Variants in SLTM observed in about 807,000 individuals in gnomAD.
The protein encoded by SLTM is SAFB like transcription modulator, also known as SAFB-like transcription modulator.
Under a neutral mutation model 134.6 loss-of-function variants are expected in SLTM, and 43 were observed. The ratio of observed to expected loss-of-function variants is 0.32; its 90% CI spans 0.25 to 0.41. The LOEUF is 0.41. Ranked by LOEUF, SLTM falls within the 10% of genes least tolerant of loss-of-function variation. The probability of loss-of-function intolerance (pLI) is 1.00; values close to 1 mark genes in which losing one functional copy is unlikely to be tolerated. For synonymous variants in SLTM, 424 were observed against 432.3 expected, an observed-to-expected ratio of 0.98 and a Z score of 0.24; for missense variants, 1,055 against 1,288.8, an observed-to-expected ratio of 0.82 and a Z score of 2.78.
intron 8 of SLTM, among the ~76,000 whole-genome samples, chr15:58,897,793 A>C (rs1248326403): frequency 6.6e-6 from 1 of 152,130 alleles, no homozygotes; most frequent in Non-Finnish European, 1.5e-5. Flanking sequence ...AATCTTCTAA[A>C]ACAAAACAAC....
At chr15:58,930,268 A>ACCATGCC (rs1345493790) in intron 2 of SLTM, among the ~76,000 whole-genome samples, 1 of 143,290 alleles carries the variant, frequency 7.0e-6, no homozygotes, top group Non-Finnish European at 1.5e-5. Flanking sequence ...CACGCGCGCC[A>ACCATGCC]CCATGCCCAG....
At chr15:58,922,526 A>T (rs2037140303) in intron 2 of SLTM, among the ~76,000 whole-genome samples, 1 of 138,140 alleles carries the variant, frequency 7.2e-6, no homozygotes, top group Non-Finnish European at 1.5e-5. Flanking sequence ...TAAAATTTAT[A>T]CGTATATAAT....
intron 8 of SLTM, chr15:58,897,571 A>G (rs1445334106): frequency 1.2e-5 from 2 of 167,786 alleles, no homozygotes; most frequent in Non-Finnish European, 2.6e-5. Flanking sequence ...GAATGAACAG[A>G]CTGTTTAGTT....
At position 58,933,508 on chromosome 15, in the gene SLTM, T is replaced by C; in HGVS notation, c.58A>G (p.Lys20Glu). 1 of 1,599,384 alleles carries C rather than the reference T, an allele frequency of 6.3e-7. No homozygotes were observed. The highest frequency in any genetic ancestry group is 1.1e-5 in the South Asian group (1 of 89,388). Residue 20 changes from lysine to glutamate, a missense_variant, in exon 1 of 21, where the codon AAA becomes GAA. Physicochemically the swap from Lys to Glu is moderately conservative, Grantham distance 56. This residue lies in a region of SLTM where 268 missense variants were observed against 284.3 expected (regional missense o/e 0.94). Coordinates refer to ENST00000380516, the MANE Select transcript of SLTM (RefSeq NM_024755.4). ...ATGACCCGCAGATCGGTGATCTTTT[T>C]ACCTTCCGCCTGACCCGAGGCGGCC... ...ASAASGQAEG[K>E]KITDLRVIDL...
At chr15:58,902,379 T>G (rs1352841349) in intron 5 of SLTM, among the ~76,000 whole-genome samples, 1 of 113,268 alleles carries the variant, frequency 8.8e-6, no homozygotes, top group African/African-American at 3.4e-5. Flanking sequence ...GCTTAAGAAA[T>G]GTTTTGATTG....
intron 5 of SLTM, among the ~76,000 whole-genome samples, chr15:58,908,409 C>T (rs2036026040): frequency 6.6e-6 from 1 of 152,074 alleles, no homozygotes; most frequent in Non-Finnish European, 1.5e-5. Flanking sequence ...CTCTATTGCC[C>T]AGGTTGGAGT....
At position 58,912,604 on chromosome 15, in the gene SLTM, C is replaced by CA; in HGVS notation, c.519dup (p.Glu174Ter). 1 of 1,606,094 alleles carries CA rather than the reference C, an allele frequency of 6.2e-7. No individual in the cohort carries two copies. The highest frequency in any genetic ancestry group is 8.5e-7 in the Non-Finnish European group (1 of 1,175,238). The stretch of plus-strand genomic sequence containing the variant: ...GTATCATCTTCACCTTCTTGAGCTT[C>CA]AATTTCCTAAGTAAAAGGGTATACA... On this transcript the variant is annotated frameshift_variant, in exon 5 of 21. Coordinates refer to ENST00000380516, the MANE Select transcript of SLTM (RefSeq NM_024755.4). LOFTEE classifies it high-confidence loss of function.
intron 1 of SLTM, among the ~76,000 whole-genome samples, chr15:58,933,037 T>C (rs1277177510): frequency 2.6e-5 from 4 of 152,120 alleles, no homozygotes; most frequent in East Asian, 1.9e-4. Context: ...GGCCAAGAAA[T>C]GCACACGCTC....
intron 15 of SLTM, 118 bp downstream of exon 15, chr15:58,890,163 C>T (rs2034542634): frequency 4.3e-6 from 5 of 1,155,612 alleles, no homozygotes; most frequent in East Asian, 2.3e-5. Context: ...CACTTAAAAG[C>T]TCCTTAGCTA....
At chr15:58,918,167 A>C (rs1168979170) in intron 2 of SLTM, among the ~76,000 whole-genome samples, 2 of 152,182 alleles carry the variant, frequency 1.3e-5, no homozygotes, top group African/African-American at 4.8e-5. Flanking sequence ...ATCCTACTTA[A>C]AAATCCTTAA....
chr15:58,897,046 A>C, intron 9 of SLTM, 69 bp downstream of exon 9: 1 of 889,902 alleles, frequency 1.1e-6, no homozygotes, highest in Non-Finnish European at 1.9e-6. Context: ...ATGTAATACT[A>C]TTTAGAATAC....
In SLTM at chr15:58,901,290, G is replaced by T; in HGVS notation, c.562-3C>A. On this transcript the variant is annotated splice_region_variant and splice_polypyrimidine_tract_variant and intron_variant, in intron 5 of 20. Transcript: ENST00000380516. ...TCATTTTCTTCTTCCTCACCATCCT[G>T]AAATTCAAAGAATAATCAAATGTAA... is the stretch of plus-strand genomic sequence containing the variant. 6.2e-7 allele frequency: 1 copy of T among 1,602,338 alleles called. No homozygotes were observed.
chr15:58,914,534 C>A (rs1398931084), intron 3 of SLTM, among the ~76,000 whole-genome samples: 1 of 152,100 alleles, frequency 6.6e-6, no homozygotes. Context: ...CCTTGGGGAG[C>A]AGGGGATCTC....
chr15:58,887,100 A>G lies in SLTM; in HGVS notation c.2710T>C (p.Ser904Pro), dbSNP rs1352963281. 6.2e-7 allele frequency: 1 copy of G among 1,614,102 alleles called. No homozygotes were observed. Residue 904 changes from serine (S) to proline (P), a missense_variant, in exon 19 of 21, where the codon TCT (serine) becomes CCT (proline). Around this residue, in one of 3 missense-constraint regions of SLTM, gnomAD observed 776 missense variants for 962.2 expected, o/e 0.81. Coordinates refer to ENST00000380516, the MANE Select transcript of SLTM (RefSeq NM_024755.4). ...RETRVERPER[S>P]GREVSGHSVR... The stretch of plus-strand genomic sequence containing the variant: ...CTGTGCCCTGATACTTCTCTCCCAG[A>G]TCGTTCTGGCCTTTCAACTCTGTTA...
intron 3 of SLTM, among the ~76,000 whole-genome samples, chr15:58,916,378 T>C (rs1448898336): frequency 2.0e-5 from 3 of 152,204 alleles, no homozygotes; most frequent in African/African-American, 7.2e-5. Context: ...TTTACTATGT[T>C]GGCCAGGCTG....
At position 58,930,036 on chromosome 15, in the gene SLTM, T is replaced by C. The variant is rs192183371; in HGVS notation, c.250+2320A>G. On this transcript the variant is annotated intron_variant, in intron 2 of 20. Coordinates refer to ENST00000380516, the MANE Select transcript of SLTM (RefSeq NM_024755.4). ...ATTCACAAGATTTTCATAACAATGA[T>C]AGCCGGATTTCAAGAAGACTAGAGC... 7.9e-5 allele frequency among the ~76,000 whole-genome samples: 12 copies of C among 152,314 alleles called. No individual in the cohort carries two copies. In the East Asian group the frequency reaches 2.3e-3, roughly 29 times the overall value.
intron 2 of SLTM, among the ~76,000 whole-genome samples, chr15:58,923,799 CTTTTTTT>C (rs34100406): frequency 2.3e-4 from 16 of 69,590 alleles, no homozygotes; most frequent in South Asian, 8.1e-4. Context: ...GAAGCCAAAC[CTTTTTTT>C]TTTTTTTTTT....
intron 15 of SLTM, 125 bp downstream of exon 15, chr15:58,890,156 T>C (rs2034541944): frequency 3.6e-6 from 4 of 1,100,484 alleles, no homozygotes; most frequent in Non-Finnish European, 2.6e-6. Context: ...TCAGGGACAC[T>C]TAAAAGCTCC....
rs376275795 is a variant in SLTM at position 58,933,540 on chromosome 15, G to T, written c.26C>A (p.Ala9Glu). The T allele has an allele frequency of 4.4e-6, 7 of 1,594,902 alleles. No homozygotes were observed. Among genetic ancestry groups the T allele is most frequent in the South Asian group, 2.2e-5 (2 of 89,020 alleles). Residue 9 changes from alanine to glutamate, a missense_variant, in exon 1 of 21, where the codon GCA becomes GAA. Coordinates refer to ENST00000380516, the MANE Select transcript of SLTM (RefSeq NM_024755.4). MAAATGAV[A>E]ASAASGQAEG... ...CGCCTGACCCGAGGCGGCCGAGGCT[G>T]CCACCGCACCGGTAGCGGCAGCCAT...
Sources: allele counts gnomAD v4.1 joint callset (sites outside exome capture counted in the v4.1 genomes callset), GRCh38; gene constraint gnomAD v4.1.1; regional missense constraint gnomAD v4.1.1; transcripts MANE v1.5; gene names NCBI Gene and HGNC (gene_info 2026-07-23, HGNC 2026-07-21).